SCGB2B2: variants seen among roughly 807,000 people sequenced by gnomAD.
The protein encoded by SCGB2B2 is secretoglobin family 2B member 2, also known as secretoglobin-like protein.
SCGB2B2 carries 11 observed loss-of-function variants against 7.6 expected under a neutral mutation model. The observed-to-expected ratio is 1.45, with a 90% CI of 0.91 to 2.40. SCGB2B2 has a LOEUF of 2.40. SCGB2B2 is among the 30% of genes most tolerant of loss of function. SCGB2B2 has a pLI of 0.00. For missense variants in SCGB2B2, 104 were observed against 115.4 expected, an observed-to-expected ratio of 0.90 and a Z score of 0.45; for synonymous variants, 50 against 48.6, an observed-to-expected ratio of 1.03 and a Z score of -0.12.
chr19:34,660,524 A>G (rs1012692774), intron 1 of SCGB2B2, among the ~76,000 whole-genome samples: 6 of 152,274 alleles, frequency 3.9e-5, no homozygotes, highest in African/African-American at 4.8e-5. Context: ...GCCAACAGAT[A>G]TATGAAAAAA....
Position 34,599,281 on chromosome 19 carries a change from G to A in SCGB2B2, c.-2031-2687C>T, listed in dbSNP as rs116817190. On this transcript the variant is annotated intron_variant, in intron 1 of 3. Transcript: ENST00000601241. ...TGGGGAGGACGACCCAGCTGTGGAG[G>A]AGTTGGGGCAGGCAGGTCACATGGG... Among the ~76,000 whole-genome samples the A allele has an allele frequency of 5.8e-3, 889 of 152,354 alleles. 8 individuals are homozygous for A. The highest frequency in any genetic ancestry group is 0.02 in the African/African-American group (843 of 41,594).
downstream of SCGB2B2, among the ~76,000 whole-genome samples, chr19:34,586,961 G>A (rs1033216397): frequency 6.6e-6 from 1 of 152,184 alleles, no homozygotes; most frequent in African/African-American, 2.4e-5. Flanking sequence ...AGCCTGGAGT[G>A]CAATGACGTG....
intron 1 of SCGB2B2, among the ~76,000 whole-genome samples, chr19:34,661,222 T>C (rs572556167): frequency 7.2e-5 from 11 of 151,986 alleles, no homozygotes; most frequent in African/African-American, 2.4e-4. Context: ...TGTATACCTA[T>C]GTAACAAACC....
At chr19:34,624,904 C>T (rs933310755) in intron 1 of SCGB2B2, among the ~76,000 whole-genome samples, 6 of 152,052 alleles carry the variant, frequency 3.9e-5, no homozygotes, top group Non-Finnish European at 8.8e-5. Flanking sequence ...TGACAGGGGC[C>T]CAGTGTTTTG....
At chr19:34,672,307 T>TC (rs1211849874) in intron 1 of SCGB2B2, among the ~76,000 whole-genome samples, 1 of 152,286 alleles carries the variant, frequency 6.6e-6, no homozygotes, top group East Asian at 1.9e-4. Context: ...TACTCGTTTT[T>TC]CTCTATTGCT....
intron 1 of SCGB2B2, among the ~76,000 whole-genome samples, chr19:34,625,748 G>A (rs1453077201): frequency 2.6e-5 from 4 of 152,210 alleles, no homozygotes; most frequent in Non-Finnish European, 5.9e-5. Context: ...AAATGTCCCT[G>A]TCTGACAGCT....
At chr19:34,602,445 G>A (rs768064097) in intron 1 of SCGB2B2, among the ~76,000 whole-genome samples, 4 of 152,178 alleles carry the variant, frequency 2.6e-5, no homozygotes, top group Non-Finnish European at 5.9e-5. Flanking sequence ...TGCAGTGGCG[G>A]TTTCCACTTA....
In SCGB2B2 at chr19:34,591,834, G is replaced by A. The variant is rs985858870; in HGVS notation, c.*1721C>T. On this transcript the variant is annotated 3_prime_UTR_variant, in exon 4 of 4. Coordinates refer to ENST00000601241, the MANE Select transcript of SCGB2B2 (RefSeq NM_001025591.4). Reference sequence around the variant, plus strand: ...CAATGTGGCACCTCAAGCCAGTCCCGCCTGATCACATTTCCCTGTTGGGTG... The same window carrying A: ...CAATGTGGCACCTCAAGCCAGTCCCACCTGATCACATTTCCCTGTTGGGTG... 1.1e-4 allele frequency among the ~76,000 whole-genome samples: 16 copies of A among 152,186 alleles called. No individual in the cohort carries two copies. Among genetic ancestry groups the A allele is most frequent in the Admixed American group, 2.0e-4 (3 of 15,284 alleles).
intron 1 of SCGB2B2, among the ~76,000 whole-genome samples, chr19:34,667,084 C>T (rs2067649815): frequency 1.3e-5 from 2 of 152,124 alleles, no homozygotes; most frequent in African/African-American, 4.8e-5. Flanking sequence ...GCCACCAGCG[C>T]CTCCTCACAG....
At chr19:34,620,433 AAACC>A (rs1427733212) in intron 1 of SCGB2B2, among the ~76,000 whole-genome samples, 1 of 149,926 alleles carries the variant, frequency 6.7e-6, no homozygotes, top group Non-Finnish European at 1.5e-5. Flanking sequence ...CAAGGACAGA[AAACC>A]AAACACTGCA....
chr19:34,642,840 C>T (rs1355712706), intron 1 of SCGB2B2, among the ~76,000 whole-genome samples: 1 of 144,206 alleles, frequency 6.9e-6, no homozygotes, highest in African/African-American at 2.6e-5. Flanking sequence ...CAGAGAAATA[C>T]AAATAAAAAA....
chr19:34,671,618 T>C (rs2067805365), intron 1 of SCGB2B2, among the ~76,000 whole-genome samples: 1 of 147,998 alleles, frequency 6.8e-6, no homozygotes, highest in Non-Finnish European at 1.5e-5. Flanking sequence ...ATAAACATTG[T>C]GTATCTCTCC....
In SCGB2B2 at chr19:34,628,642, A is replaced by G. The variant is rs528400821; in HGVS notation, c.-2031-32048T>C. On this transcript the variant is annotated intron_variant, in intron 1 of 3. Transcript: ENST00000601241. ...AATCACTAATAGCCTACCAACCAAAAAAAGTCCAGGACCAGACAGATTCAC... is the reference window on the plus strand; with the variant it reads ...AATCACTAATAGCCTACCAACCAAAGAAAGTCCAGGACCAGACAGATTCAC... 2.2e-4 allele frequency among the ~76,000 whole-genome samples: 34 copies of G among 152,022 alleles called. No individual in the cohort carries two copies. In the South Asian group the frequency reaches 6.8e-3, roughly 31 times the overall value.
chr19:34,648,513 C>T (rs117951237), intron 1 of SCGB2B2, among the ~76,000 whole-genome samples: 1,905 of 152,254 alleles, frequency 0.013, 15 homozygotes, highest in Admixed American at 0.02. Flanking sequence ...CATGAGTCTA[C>T]CCATAATCTG....
chr19:34,606,233 T>C (rs1462281165), intron 1 of SCGB2B2, among the ~76,000 whole-genome samples: 2 of 152,094 alleles, frequency 1.3e-5, no homozygotes, highest in Non-Finnish European at 2.9e-5. Context: ...CTTTAACATA[T>C]ATATTTACAG....
chr19:34,599,159 A>T (rs1270257), intron 1 of SCGB2B2, among the ~76,000 whole-genome samples: 1 of 152,204 alleles, frequency 6.6e-6, no homozygotes, highest in East Asian at 1.9e-4. Context: ...CAGGTTTTTG[A>T]GAGATGAGGC....
At position 34,594,652 on chromosome 19, in the gene SCGB2B2, C is replaced by CGTGTGT. The variant is rs3055684; in HGVS notation, c.-95_-90dup. 3.2e-3 allele frequency: 2,131 copies of CGTGTGT among 659,012 alleles called. 8 individuals are homozygous for CGTGTGT. The highest frequency in any genetic ancestry group is 6.7e-3 in the African/African-American group (352 of 52,540). 40.8% of individuals were successfully genotyped at this position (659,012 alleles called of 1,614,324 possible). On this transcript the variant is annotated 5_prime_UTR_variant, in exon 2 of 4. Coordinates refer to ENST00000601241, the MANE Select transcript of SCGB2B2 (RefSeq NM_001025591.4). ...TATCTGAACAAGGCACATGCCTCTT[C>CGTGTGT]GTGTGTGTGTGTGTGTGTGTGTGTG...
rs112995769 is a variant in SCGB2B2, at chr19:34,662,205, CA to C, written c.-2032+13424del. 8.5e-3 allele frequency among the ~76,000 whole-genome samples: 1,285 copies of C among 151,982 alleles called. 19 individuals carry two copies. The highest frequency in any genetic ancestry group is 0.03 in the African/African-American group (1,232 of 41,402). Reference sequence around the variant, plus strand: ...ATGTTAGTGTATTTTATGTGTGACCCAAAACAATTCTTCTTCTTTCAGTGTG... The same window carrying C: ...ATGTTAGTGTATTTTATGTGTGACCCAAACAATTCTTCTTCTTTCAGTGTG... On this transcript the variant is annotated intron_variant, in intron 1 of 3. Coordinates refer to ENST00000601241, the MANE Select transcript of SCGB2B2 (RefSeq NM_001025591.4).
At chr19:34,603,767 T>A (rs949478985) in intron 1 of SCGB2B2, among the ~76,000 whole-genome samples, 1 of 137,498 alleles carries the variant, frequency 7.3e-6, no homozygotes, top group East Asian at 2.0e-4. Flanking sequence ...AAAGTTTCCA[T>A]AATATCTTAT....
Sources: allele counts gnomAD v4.1 joint callset (sites outside exome capture counted in the v4.1 genomes callset), GRCh38; gene constraint gnomAD v4.1.1; transcripts MANE v1.5; gene names NCBI Gene and HGNC (gene_info 2026-07-23, HGNC 2026-07-21).